The following AGBL4 variants were observed in gnomAD, a reference collection of about 807,000 sequenced individuals.
AGBL4 encodes the protein cytosolic carboxypeptidase 6.
A neutral mutation model predicts 66.4 loss-of-function variants in AGBL4; 58 were observed. The observed-to-expected ratio is 0.87, with a 90% CI of 0.71 to 1.09. AGBL4 has a LOEUF of 1.09. Ranked by LOEUF, AGBL4 falls within the 50% of genes least tolerant of loss-of-function variation. The pLI is 0.00. For synonymous variants in AGBL4, 234 were observed against 222.9 expected, an observed-to-expected ratio of 1.05 and a Z score of -0.44; for missense variants, 579 against 631.0, an observed-to-expected ratio of 0.92 and a Z score of 0.88.
chr1:49,302,048 A>G (rs1644754825), intron 3 of AGBL4, among the ~76,000 whole-genome samples: 1 of 152,110 alleles, frequency 6.6e-6, no homozygotes, highest in African/African-American at 2.4e-5. Flanking sequence ...TGCAGCAGGC[A>G]AGATGAACCT....
At chr1:48,620,717 T>C (rs527579684) in intron 9 of AGBL4, among the ~76,000 whole-genome samples, 1 of 152,356 alleles carries the variant, frequency 6.6e-6, no homozygotes, top group African/African-American at 2.4e-5. Context: ...ATAGTAGCTA[T>C]TGTATATTAC....
intron 2 of AGBL4, among the ~76,000 whole-genome samples, chr1:49,772,513 G>A (rs567496848): frequency 2.6e-5 from 4 of 152,076 alleles, no homozygotes; most frequent in East Asian, 1.9e-4. Flanking sequence ...TTTGTTTTGC[G>A]TAGCCCTACT....
Position 48,758,957 on chromosome 1 carries a change from C to T in AGBL4, c.635-95716G>A, listed in dbSNP as rs771651589. On this transcript the variant is annotated intron_variant, in intron 6 of 13. Transcript: ENST00000371839. The stretch of plus-strand genomic sequence containing the variant: ...AGCCTCCGGTTAAGGTCACGGAGCT[C>T]CTTCATTTCAGACACAAGTGCCCCG... The T allele has an allele frequency of 2.5e-5, 40 of 1,602,086 alleles. No homozygotes were observed. Among genetic ancestry groups the T allele is most frequent in the Admixed American group, 2.2e-4 (13 of 57,878 alleles).
In AGBL4 at chr1:49,212,666, C is replaced by T. The variant is rs372932425; in HGVS notation, c.377+33104G>A. On this transcript the variant is annotated intron_variant, in intron 4 of 13. Transcript: ENST00000371839. ...AGGAACCTGGTAGTTCAGAGGTAGT[C>T]TGCAATACTCTCTCAGATCACTGAT... Among the ~76,000 whole-genome samples the T allele has an allele frequency of 1.1e-3, 175 of 152,234 alleles. 2 individuals are homozygous for T. In the South Asian group the frequency reaches 0.015, roughly 13 times the overall value.
Position 49,845,400 on chromosome 1 carries a change from C to T in AGBL4, c.157+5996G>A. 5 of 1,388,166 alleles carry T rather than the reference C, an allele frequency of 3.6e-6. 1 individual carries two copies. In the South Asian group the frequency reaches 5.8e-5, roughly 16 times the overall value. The allele number at this position is 1,388,166 out of a possible 1,614,324, so 86.0% of individuals were successfully genotyped here. A position where few individuals can be genotyped will look rare whatever the true frequency, so the allele number is the denominator to read the frequency against. On this transcript the variant is annotated intron_variant, in intron 2 of 13. Coordinates refer to ENST00000371839, the MANE Select transcript of AGBL4 (RefSeq NM_032785.4). ...GCCAACACAAGTGAACTCACACAAA[C>T]AAGAAGCCCTATGAGTGCAACAAGT...
intron 3 of AGBL4, among the ~76,000 whole-genome samples, chr1:49,476,505 T>C (rs1171576373): frequency 1.3e-5 from 2 of 152,070 alleles, no homozygotes; most frequent in Admixed American, 1.3e-4. Flanking sequence ...CAGCGAGATG[T>C]TGAAGTCCCC....
In AGBL4 at chr1:49,703,975, T is replaced by C. The variant is rs145322845; in HGVS notation, c.158-6538A>G. ...AATAAAATTTTAAGGATCCCATCCA[T>C]GGTTGAAACAAAAAACCACAAGATA... On this transcript the variant is annotated intron_variant, in intron 2 of 13. Coordinates refer to ENST00000371839, the MANE Select transcript of AGBL4 (RefSeq NM_032785.4). 5.2e-4 allele frequency among the ~76,000 whole-genome samples: 79 copies of C among 152,152 alleles called. No individual in the cohort carries two copies. The East Asian group carries it at 0.014, about 26-fold the overall frequency.
intron 3 of AGBL4, among the ~76,000 whole-genome samples, chr1:49,587,007 TCTA>T (rs1644661231): frequency 6.6e-6 from 1 of 151,984 alleles, no homozygotes; most frequent in Non-Finnish European, 1.5e-5. Flanking sequence ...TCAGAAATCA[TCTA>T]CTTTGAGTGG....
chr1:48,673,546 A>G (rs1646310690), intron 6 of AGBL4, among the ~76,000 whole-genome samples: 1 of 152,236 alleles, frequency 6.6e-6, no homozygotes, highest in African/African-American at 2.4e-5. Flanking sequence ...TGGAGATTTC[A>G]CTTAATGAAG....
At chr1:48,535,939 C>T (rs1198387011) in intron 12 of AGBL4, among the ~76,000 whole-genome samples, 1 of 152,040 alleles carries the variant, frequency 6.6e-6, no homozygotes, top group Non-Finnish European at 1.5e-5. Flanking sequence ...CTATGCTAGG[C>T]CCTGCACCAT....
At chr1:48,737,283 CAAAAAGA>C (rs990290580) in intron 6 of AGBL4, among the ~76,000 whole-genome samples, 6 of 150,530 alleles carry the variant, frequency 4.0e-5, no homozygotes, top group South Asian at 2.1e-4. Context: ...GACTCCGTCT[CAAAAAGA>C]AAAAAGAAAA....
intron 1 of AGBL4, among the ~76,000 whole-genome samples, chr1:49,886,317 T>C (rs1311059808): frequency 6.6e-6 from 1 of 152,114 alleles, no homozygotes; most frequent in East Asian, 1.9e-4. Flanking sequence ...CTGGAGAGCA[T>C]GCCACCTGAA....
intron 1 of AGBL4, among the ~76,000 whole-genome samples, chr1:49,870,460 A>G (rs995909786): frequency 1.3e-5 from 2 of 151,774 alleles, no homozygotes; most frequent in Admixed American, 1.3e-4. Context: ...TTTGTAACAG[A>G]AAGGATAAAT....
chr1:49,121,677 AG>A (rs1316808220), intron 4 of AGBL4, among the ~76,000 whole-genome samples: 2 of 152,134 alleles, frequency 1.3e-5, no homozygotes, highest in African/African-American at 2.4e-5. Context: ...GACCCACTTG[AG>A]GAGGCAGTCT....
At chr1:49,026,488 C>T (rs1269598430) in intron 5 of AGBL4, among the ~76,000 whole-genome samples, 1 of 152,094 alleles carries the variant, frequency 6.6e-6, no homozygotes, top group East Asian at 1.9e-4. Flanking sequence ...TCACTTATAG[C>T]TGAGGGGAAT....
intron 1 of AGBL4, among the ~76,000 whole-genome samples, chr1:50,018,176 C>T (rs1454141897): frequency 1.3e-5 from 2 of 152,036 alleles, no homozygotes; most frequent in East Asian, 1.9e-4. Flanking sequence ...TGTTTCATTG[C>T]TTTGTTTTCC....
chr1:49,051,992 C>T (rs1644224728), intron 4 of AGBL4, among the ~76,000 whole-genome samples: 1 of 151,870 alleles, frequency 6.6e-6, no homozygotes, highest in Admixed American at 6.6e-5. Context: ...TTTTTGATAA[C>T]AAAAAGACAT....
At chr1:49,158,611 C>G (rs1174719645) in intron 4 of AGBL4, among the ~76,000 whole-genome samples, 1 of 151,974 alleles carries the variant, frequency 6.6e-6, no homozygotes, top group Non-Finnish European at 1.5e-5. Flanking sequence ...AGTTCAAGTC[C>G]TGAATATCCT....
chr1:48,522,962 G>T, the AGBL4 span, among the ~76,000 whole-genome samples: 2 of 151,478 alleles, frequency 1.3e-5, no homozygotes, highest in African/African-American at 4.8e-5. Flanking sequence ...TCACTACCTA[G>T]TCCTCATTAG....
Sources: allele counts gnomAD v4.1 joint callset (sites outside exome capture counted in the v4.1 genomes callset), GRCh38; gene constraint gnomAD v4.1.1; transcripts MANE v1.5; gene names NCBI Gene and HGNC (gene_info 2026-07-23, HGNC 2026-07-21).